The following PCSK5 variants were observed in gnomAD, a reference collection of about 807,000 sequenced individuals.
PCSK5 encodes the protein prohormone convertase 5.
In PCSK5, 129 loss-of-function variants were observed where a neutral mutation model predicts 233.2. The ratio of observed to expected loss-of-function variants is 0.55; its 90% CI spans 0.48 to 0.64. The LOEUF (loss-of-function observed/expected upper bound fraction) is 0.64, where lower values mean the gene tolerates loss of function less well. PCSK5 is among the 30% of genes least tolerant of loss of function. The pLI, the probability that PCSK5 is intolerant of heterozygous loss-of-function variation, is 0.00. For missense variants in PCSK5, 2,076 were observed against 2,430.1 expected (o/e 0.85, Z 3.06); for synonymous variants, 825 against 879.2 (o/e 0.94, Z 1.09).
intron 9 of PCSK5, among the ~76,000 whole-genome samples, chr9:76,122,843 T>TA (rs1832699140): frequency 7.3e-6 from 1 of 137,568 alleles, no homozygotes; most frequent in Non-Finnish European, 1.6e-5. Flanking sequence ...TTTTTTTTTT[T>TA]AATTGAGACA....
intron 26 of PCSK5, among the ~76,000 whole-genome samples, chr9:76,295,712 T>G (rs1019239758): frequency 6.6e-6 from 1 of 152,206 alleles, no homozygotes; most frequent in Non-Finnish European, 1.5e-5. Context: ...GTTTTGGCAT[T>G]GAAGTCACCT....
At chr9:76,231,166 G>A (rs1272673132) in intron 21 of PCSK5, among the ~76,000 whole-genome samples, 6 of 152,164 alleles carry the variant, frequency 3.9e-5, no homozygotes, top group Non-Finnish European at 7.3e-5. Flanking sequence ...CAAAGGGGAG[G>A]AAAGGCTCCT....
intron 20 of PCSK5, among the ~76,000 whole-genome samples, chr9:76,205,366 G>A (rs185531986): frequency 3.3e-4 from 51 of 152,240 alleles, no homozygotes; most frequent in Middle Eastern, 6.8e-3. Context: ...GAGGGCCCTC[G>A]TATGGGGCTG....
At chr9:76,057,337 A>G (rs769626276) in intron 5 of PCSK5, among the ~76,000 whole-genome samples, 2 of 152,198 alleles carry the variant, frequency 1.3e-5, no homozygotes, top group Non-Finnish European at 2.9e-5. Context: ...TTTTAAATCC[A>G]TGTGAAAACA....
At chr9:76,085,278 C>T (rs1296549316) in intron 7 of PCSK5, among the ~76,000 whole-genome samples, 1 of 152,206 alleles carries the variant, frequency 6.6e-6, no homozygotes, top group African/African-American at 2.4e-5. Context: ...CACCCCTGAA[C>T]CCTGCTGTTT....
At chr9:76,342,580 C>A (rs1345425925) in intron 35 of PCSK5, among the ~76,000 whole-genome samples, 1 of 152,194 alleles carries the variant, frequency 6.6e-6, no homozygotes, top group Non-Finnish European at 1.5e-5. Flanking sequence ...AAAATAACTT[C>A]TTCCCAAGTA....
intron 20 of PCSK5, chr9:76,194,752 A>G (rs944540013): frequency 1.3e-5 from 6 of 467,514 alleles, no homozygotes; most frequent in African/African-American, 1.2e-4. Context: ...TTCTCTGTTT[A>G]GGGGAGCCTA....
At chr9:75,918,155 A>G (rs1209289806) in intron 1 of PCSK5, among the ~76,000 whole-genome samples, 4 of 152,222 alleles carry the variant, frequency 2.6e-5, no homozygotes, top group African/African-American at 7.2e-5. Context: ...TATTCTAAAC[A>G]TAGATTGGGC....
intron 5 of PCSK5, among the ~76,000 whole-genome samples, chr9:76,039,488 T>G (rs1044394689): frequency 1.3e-5 from 2 of 152,170 alleles, no homozygotes; most frequent in African/African-American, 4.8e-5. Context: ...GACAGGTATT[T>G]GGAGGGAAAC....
chr9:76,282,120 CTTTTTTTTTTTT>C (rs71372059), intron 24 of PCSK5, among the ~76,000 whole-genome samples: 4 of 14,508 alleles, frequency 2.8e-4, no homozygotes, highest in Admixed American at 2.6e-3. Context: ...CTTTTCTTTG[CTTTTTTTTTTTT>C]TTTTTTTTTT....
intron 13 of PCSK5, among the ~76,000 whole-genome samples, chr9:76,171,565 T>C (rs1489003987): frequency 2.6e-5 from 4 of 152,172 alleles, no homozygotes; most frequent in Admixed American, 2.6e-4. Flanking sequence ...ATGCATTGCA[T>C]CTAAGGGTCA....
chr9:76,307,915 C>T (rs779834248), intron 28 of PCSK5, among the ~76,000 whole-genome samples: 20 of 152,050 alleles, frequency 1.3e-4, no homozygotes, highest in East Asian at 3.9e-4. Flanking sequence ...AATGGTCATC[C>T]GGCCGGGCGC....
intron 37 of PCSK5, among the ~76,000 whole-genome samples, chr9:76,358,073 G>A (rs528318356): frequency 3.3e-5 from 5 of 152,174 alleles, no homozygotes; most frequent in African/African-American, 4.8e-5. Context: ...ACTGACCTAC[G>A]AGGTATGGGG....
intron 5 of PCSK5, among the ~76,000 whole-genome samples, chr9:76,044,943 T>G (rs1829314129): frequency 6.6e-6 from 1 of 152,220 alleles, no homozygotes; most frequent in Admixed American, 6.5e-5. Flanking sequence ...ATTTTCATGG[T>G]AGAGTTCCAA....
intron 37 of PCSK5, among the ~76,000 whole-genome samples, chr9:76,357,700 G>A (rs1038482921): frequency 4.1e-4 from 62 of 152,180 alleles, no homozygotes; most frequent in African/African-American, 1.5e-3. Flanking sequence ...AGGATTCCTG[G>A]ATTTGAATTC....
At chr9:76,279,465 C>A (rs1293759268) in intron 24 of PCSK5, among the ~76,000 whole-genome samples, 1 of 151,830 alleles carries the variant, frequency 6.6e-6, no homozygotes, top group Non-Finnish European at 1.5e-5. Flanking sequence ...ATTTCTAGTT[C>A]TAGATCCCTG....
chr9:75,894,502 G>A (rs1465009732), intron 1 of PCSK5, among the ~76,000 whole-genome samples: 1 of 152,212 alleles, frequency 6.6e-6, no homozygotes, highest in African/African-American at 2.4e-5. Flanking sequence ...TTTGTTCATA[G>A]AGCTAGCATA....
intron 1 of PCSK5, among the ~76,000 whole-genome samples, chr9:75,928,973 G>A (rs1823648419): frequency 6.6e-6 from 1 of 151,434 alleles, no homozygotes; most frequent in Non-Finnish European, 1.5e-5. Flanking sequence ...GTCTTGCTCT[G>A]TCACCAGGCT....
chr9:76,284,127 A>G (rs1827975305), intron 24 of PCSK5, among the ~76,000 whole-genome samples: 1 of 152,172 alleles, frequency 6.6e-6, no homozygotes. Context: ...AAAGAAAAAA[A>G]AAAAAGAACT....
Sources: allele counts gnomAD v4.1 joint callset (sites outside exome capture counted in the v4.1 genomes callset), GRCh38; gene constraint gnomAD v4.1.1; transcripts MANE v1.5; gene names NCBI Gene and HGNC (gene_info 2026-07-23, HGNC 2026-07-21).